STX8: variants seen among roughly 807,000 people sequenced by gnomAD.
The protein encoded by STX8 is syntaxin 8, also known as syntaxin-8.
A neutral mutation model predicts 37.5 loss-of-function variants in STX8; 23 were observed. The ratio of observed to expected loss-of-function variants is 0.61; its 90% CI spans 0.44 to 0.87. STX8 has a LOEUF of 0.87. Ranked by LOEUF, STX8 falls within the 40% of genes least tolerant of loss-of-function variation. The pLI is 0.00. For synonymous variants in STX8, 115 were observed against 99.1 expected (o/e 1.16, Z -0.95); for missense variants, 313 against 284.7 (o/e 1.10, Z -0.71).
chr17:9,396,369 G>T (rs1325955751), intron 6 of STX8, among the ~76,000 whole-genome samples: 1 of 150,642 alleles, frequency 6.6e-6, no homozygotes, highest in East Asian at 2.0e-4. Context: ...AGGAATTTGG[G>T]GGGGCGGGGT....
At chr17:9,540,751 G>A (rs1052318358) in intron 4 of STX8, 1 of 152,164 alleles carries the variant, frequency 6.6e-6, no homozygotes, top group African/African-American at 2.4e-5. Flanking sequence ...AATTCTTCTA[G>A]AACCTTATTC....
At chr17:9,512,897 C>T (rs1263902034) in intron 4 of STX8, among the ~76,000 whole-genome samples, 1 of 152,090 alleles carries the variant, frequency 6.6e-6, no homozygotes, top group Non-Finnish European at 1.5e-5. Context: ...ATTCAAAGAC[C>T]TAAATGTAAA....
chr17:9,526,586 AT>A (rs1321116817), intron 4 of STX8, among the ~76,000 whole-genome samples: 1 of 152,224 alleles, frequency 6.6e-6, no homozygotes, highest in Non-Finnish European at 1.5e-5. Context: ...AGTTGGAAAC[AT>A]TTTTTAAAAT....
At position 9,420,903 on chromosome 17, in the gene STX8, T is replaced by G. The variant is rs115347353; in HGVS notation, c.542-42250A>C. Reference sequence around the variant, plus strand: ...TTCATAGGCAACATTTACGTGCATGTGCCTTTAAGTACATTAGGGGGTGGA... The same window carrying G: ...TTCATAGGCAACATTTACGTGCATGGGCCTTTAAGTACATTAGGGGGTGGA... On this transcript the variant is annotated intron_variant, in intron 6 of 7. Coordinates refer to ENST00000306357, the MANE Select transcript of STX8 (RefSeq NM_004853.3). Among the ~76,000 whole-genome samples the G allele has an allele frequency of 9.0e-3, 1,374 of 152,320 alleles. 21 individuals carry two copies. The highest frequency in any genetic ancestry group is 0.032 in the African/African-American group (1,330 of 41,558).
At chr17:9,420,783 C>T (rs533561007) in intron 6 of STX8, among the ~76,000 whole-genome samples, 2 of 152,286 alleles carry the variant, frequency 1.3e-5, no homozygotes, top group African/African-American at 4.8e-5. Context: ...ATTCCAATGG[C>T]TTATTTTCAG....
At chr17:9,472,470 C>T (rs552782685) in intron 6 of STX8, among the ~76,000 whole-genome samples, 38 of 152,320 alleles carry the variant, frequency 2.5e-4, no homozygotes, top group African/African-American at 8.2e-4. Context: ...CAAGGAGAGA[C>T]CAAGATTCCC....
intron 6 of STX8, among the ~76,000 whole-genome samples, chr17:9,432,799 T>C (rs1178456171): frequency 6.6e-6 from 1 of 152,206 alleles, no homozygotes; most frequent in African/African-American, 2.4e-5. Context: ...ATTTACAAGC[T>C]TTCCCTCTAA....
chr17:9,414,135 C>A (rs1286171359), intron 6 of STX8, among the ~76,000 whole-genome samples: 9 of 147,008 alleles, frequency 6.1e-5, no homozygotes, highest in South Asian at 2.2e-4. Flanking sequence ...TCCAACCATC[C>A]ATCCATCCAT....
chr17:9,513,405 C>T (rs1051524939), intron 4 of STX8, among the ~76,000 whole-genome samples: 6 of 151,432 alleles, frequency 4.0e-5, no homozygotes, highest in Admixed American at 2.0e-4. Context: ...CACACAAATG[C>T]GCCAACAAAT....
chr17:9,568,310 A>C, intron 2 of STX8, 61 bp downstream of exon 2: 1 of 1,249,420 alleles, frequency 8.0e-7, no homozygotes, highest in Non-Finnish European at 1.2e-6. Context: ...GAAAGATAGG[A>C]GGGTTTTCAG....
intron 6 of STX8, among the ~76,000 whole-genome samples, chr17:9,421,248 C>T (rs190419691): frequency 1.8e-4 from 28 of 151,846 alleles, no homozygotes; most frequent in African/African-American, 6.3e-4. Flanking sequence ...CGAAATTAGC[C>T]GGGCATGGTG....
chr17:9,321,995 G>C (rs1909593818), intron 7 of STX8, among the ~76,000 whole-genome samples: 1 of 152,228 alleles, frequency 6.6e-6, no homozygotes. Flanking sequence ...GATTTTCACA[G>C]AGTAAACATG....
In STX8 at chr17:9,327,607, G is replaced by GT. The variant is rs150361868; in HGVS notation, c.643+50944dup. On this transcript the variant is annotated intron_variant, in intron 7 of 7. Coordinates refer to ENST00000306357, the MANE Select transcript of STX8 (RefSeq NM_004853.3). ...TCTGTGTGGCATTCCTTCCACCTGG[G>GT]TACAGGGCAGGACCTCTCTGGAAAC... 9.1e-3 allele frequency among the ~76,000 whole-genome samples: 1,390 copies of GT among 152,176 alleles called. 18 individuals are homozygous for GT. The highest frequency in any genetic ancestry group is 0.032 in the African/African-American group (1,328 of 41,522).
chr17:9,418,905 C>A (rs1189875852), intron 6 of STX8, among the ~76,000 whole-genome samples: 1 of 148,070 alleles, frequency 6.8e-6, no homozygotes, highest in East Asian at 2.0e-4. Flanking sequence ...TGCCCACACC[C>A]CCCCCTCTTT....
chr17:9,470,236 G>A (rs1034922625), intron 6 of STX8, among the ~76,000 whole-genome samples: 5 of 152,124 alleles, frequency 3.3e-5, no homozygotes, highest in African/African-American at 9.7e-5. Flanking sequence ...AGAATAAACC[G>A]TTGAGACCAC....
intron 4 of STX8, among the ~76,000 whole-genome samples, chr17:9,512,966 G>C (rs1324213645): frequency 6.6e-6 from 1 of 152,056 alleles, no homozygotes; most frequent in African/African-American, 2.4e-5. Flanking sequence ...ATGTTGATCT[G>C]GGAAAAGATT....
chr17:9,525,308 GCCTCCCCCCA>G (rs1217467540), intron 4 of STX8, among the ~76,000 whole-genome samples: 1 of 151,690 alleles, frequency 6.6e-6, no homozygotes, highest in Non-Finnish European at 1.5e-5. Flanking sequence ...GGTCTTCTCA[GCCTCCCCCCA>G]CTGCCCACAT....
chr17:9,364,841 G>A lies in STX8; in HGVS notation c.643+13711C>T, dbSNP rs190252770. On this transcript the variant is annotated intron_variant, in intron 7 of 7. Transcript: ENST00000306357. ...GAGCTACCGCGCCTGGCCGGTATTTGATATATTATTATACTATAACCCTCT... is the reference window on the plus strand; with the variant it reads ...GAGCTACCGCGCCTGGCCGGTATTTAATATATTATTATACTATAACCCTCT... 2.9e-3 allele frequency among the ~76,000 whole-genome samples: 440 copies of A among 152,152 alleles called. 4 individuals are homozygous for A. The highest frequency in any genetic ancestry group is 0.01 in the African/African-American group (420 of 41,516).
At chr17:9,404,560 T>C (rs554773549) in intron 6 of STX8, among the ~76,000 whole-genome samples, 28 of 152,080 alleles carry the variant, frequency 1.8e-4, no homozygotes, top group Non-Finnish European at 4.0e-4. Context: ...GTTCAAGTGA[T>C]TCTCCTGCCT....
Sources: gnomAD v4.1 joint callset for allele counts (sites outside exome capture counted in the v4.1 genomes callset) on GRCh38, gnomAD v4.1.1 for gene constraint, MANE v1.5 for transcripts, NCBI Gene and HGNC (gene_info 2026-07-23, HGNC 2026-07-21) for gene names.